GOT2: variants seen among roughly 807,000 people sequenced by gnomAD.
GOT2 encodes the protein aspartate aminotransferase, mitochondrial.
Under a neutral mutation model 50.0 loss-of-function variants are expected in GOT2, and 17 were observed. The ratio of observed to expected loss-of-function variants is 0.34; its 90% CI spans 0.23 to 0.51. The LOEUF is 0.51. GOT2 is among the 20% of genes least tolerant of loss of function. GOT2 has a pLI of 0.97. For missense variants in GOT2, 430 were observed against 559.6 expected (o/e 0.77, Z 2.34); for synonymous variants, 172 against 204.9 (o/e 0.84, Z 1.37).
Position 58,718,697 on chromosome 16 carries a change from TG to T in GOT2, c.436-10del, listed in dbSNP as rs774840247. ...AACTTAAAAAATCTTTGCTAAAAGA[TG>T]GGACGAAAGGAAACAGAAAAATGAA... On this transcript the variant is annotated splice_polypyrimidine_tract_variant and intron_variant, in intron 4 of 9. Coordinates refer to ENST00000245206, the MANE Select transcript of GOT2 (RefSeq NM_002080.4). The T allele has an allele frequency of 1.3e-6, 2 of 1,551,342 alleles. No individual in the cohort carries two copies. Among genetic ancestry groups the T allele is most frequent in the East Asian group, 4.6e-5 (2 of 43,940 alleles).
At chr16:58,722,044 T>C in intron 3 of GOT2, 106 bp downstream of exon 3, 1 of 1,260,972 alleles carries the variant, frequency 7.9e-7, no homozygotes, top group Non-Finnish European at 1.1e-6. Context: ...CCTCCCAAAG[T>C]GGTGGGATTA....
intron 8 of GOT2, among the ~76,000 whole-genome samples, chr16:58,711,365 C>G (rs999172380): frequency 6.6e-6 from 1 of 152,174 alleles, no homozygotes; most frequent in Non-Finnish European, 1.5e-5. Flanking sequence ...CTGAATACAA[C>G]CTTCCCCTTC....
At chr16:58,724,763 A>G (rs2044769499) in intron 1 of GOT2, among the ~76,000 whole-genome samples, 1 of 151,362 alleles carries the variant, frequency 6.6e-6, no homozygotes, top group Non-Finnish European at 1.5e-5. Flanking sequence ...CTGGTCTCAA[A>G]CTCCTGACCT....
Position 58,726,510 on chromosome 16 carries a change from T to TATTTATTTATTC in GOT2, c.90-2609_90-2608insGAATAAATAAAT, listed in dbSNP as rs1555509479. Among the ~76,000 whole-genome samples, 985 of 151,128 alleles carry TATTTATTTATTC rather than the reference T, an allele frequency of 6.5e-3. 12 individuals carry two copies. Among genetic ancestry groups the TATTTATTTATTC allele is most frequent in the African/African-American group, 0.023 (940 of 41,116 alleles). On this transcript the variant is annotated intron_variant, in intron 1 of 9. Coordinates refer to ENST00000245206, the MANE Select transcript of GOT2 (RefSeq NM_002080.4). Reference sequence around the variant, plus strand: ...TTATTTATTTATTTATTTATTTATTTTTGAGACGGAGTCTTGCTCTGTCAC... The same window carrying TATTTATTTATTC: ...TTATTTATTTATTTATTTATTTATTTATTTATTTATTCTTGAGACGGAGTCTTGCTCTGTCAC...
At chr16:58,728,855 A>G (rs1310645050) in intron 1 of GOT2, among the ~76,000 whole-genome samples, 2 of 151,586 alleles carry the variant, frequency 1.3e-5, no homozygotes, top group Admixed American at 1.3e-4. Context: ...TAATTTTTTT[A>G]TTTTTATTTT....
At chr16:58,709,619 T>G in intron 8 of GOT2, 52 bp from the exon 9 acceptor site, 1 of 1,526,114 alleles carries the variant, frequency 6.6e-7, no homozygotes, top group Non-Finnish European at 9.0e-7. Context: ...CTGACCGATA[T>G]GCTGGAGTTC....
At chr16:58,724,049 G>A (rs1432142826) in intron 1 of GOT2, 147 bp from the exon 2 acceptor site, 4 of 590,630 alleles carry the variant, frequency 6.8e-6, no homozygotes, top group Non-Finnish European at 1.1e-5. Context: ...TGCCTCCTGG[G>A]CTCAAGTGAT....
At chr16:58,709,170 G>A (rs1484550402) in intron 9 of GOT2, 2 of 334,078 alleles carry the variant, frequency 6.0e-6, no homozygotes, top group East Asian at 1.1e-4. Flanking sequence ...GCTGAGGCAG[G>A]AGGATCACTT....
intron 8 of GOT2, among the ~76,000 whole-genome samples, chr16:58,714,511 C>T (rs1479528178): frequency 6.7e-6 from 1 of 150,224 alleles, no homozygotes; most frequent in Non-Finnish European, 1.5e-5. Flanking sequence ...GAGATCCCGC[C>T]ACTGCACTCC....
chr16:58,723,533 G>A (rs2044756964), intron 2 of GOT2, among the ~76,000 whole-genome samples: 1 of 152,144 alleles, frequency 6.6e-6, no homozygotes, highest in African/African-American at 2.4e-5. Flanking sequence ...CAGAACCATA[G>A]AAAGTTCAAT....
intron 1 of GOT2, among the ~76,000 whole-genome samples, chr16:58,733,647 C>G (rs1567492404): frequency 6.6e-6 from 1 of 152,066 alleles, no homozygotes; most frequent in African/African-American, 2.4e-5. Context: ...AATGCCGGCG[C>G]CCCGGAAACC....
At chr16:58,710,243 A>G (rs1429409217) in intron 8 of GOT2, among the ~76,000 whole-genome samples, 1 of 151,660 alleles carries the variant, frequency 6.6e-6, no homozygotes, top group Non-Finnish European at 1.5e-5. Context: ...TCCATCACCC[A>G]GTCTCAGTCT....
At chr16:58,720,196 C>T (rs2044730312) in intron 3 of GOT2, among the ~76,000 whole-genome samples, 1 of 152,262 alleles carries the variant, frequency 6.6e-6, no homozygotes, top group East Asian at 1.9e-4. Context: ...GAGCGAAATT[C>T]CATCTCTAAA....
At position 58,726,840 on chromosome 16, in the gene GOT2, C is replaced by CT. The variant is rs139694495; in HGVS notation, c.90-2939dup. The stretch of plus-strand genomic sequence containing the variant: ...TGAATCTGAAAAGAAGCTGAGTTAA[C>CT]TTTTTTTTTCTTTTTTAAAGAGATG... On this transcript the variant is annotated intron_variant, in intron 1 of 9. Coordinates refer to ENST00000245206, the MANE Select transcript of GOT2 (RefSeq NM_002080.4). Among the ~76,000 whole-genome samples, 8 of 147,610 alleles carry CT rather than the reference C, an allele frequency of 5.4e-5. No homozygotes were observed. The East Asian group carries it at 1.1e-3, about 20-fold the overall frequency.
At chr16:58,710,712 T>C (rs1419822115) in intron 8 of GOT2, among the ~76,000 whole-genome samples, 1 of 141,528 alleles carries the variant, frequency 7.1e-6, no homozygotes, top group Non-Finnish European at 1.5e-5. Context: ...AAACCCCGTC[T>C]CTACTAAAAA....
chr16:58,717,822 C>T (rs1211898959), intron 6 of GOT2, among the ~76,000 whole-genome samples: 1 of 152,156 alleles, frequency 6.6e-6, no homozygotes, highest in Non-Finnish European at 1.5e-5. Context: ...TCCCAAGTAG[C>T]TAGGATTACA....
intron 7 of GOT2, 26 bp from the exon 8 acceptor site, chr16:58,716,205 T>G: frequency 6.2e-7 from 1 of 1,603,310 alleles, no homozygotes; most frequent in East Asian, 2.2e-5. Flanking sequence ...GGATCTCGTC[T>G]TCTACTTCTA....
intron 3 of GOT2, 179 bp downstream of exon 3, chr16:58,721,971 G>A (rs1183039372): frequency 9.7e-6 from 5 of 513,860 alleles, no homozygotes; most frequent in Non-Finnish European, 1.8e-5. Context: ...GTAGAGATGG[G>A]GTTTCTCCAT....
At chr16:58,712,416 C>G (rs1298281026) in intron 8 of GOT2, among the ~76,000 whole-genome samples, 5 of 152,152 alleles carry the variant, frequency 3.3e-5, no homozygotes, top group Non-Finnish European at 7.3e-5. Context: ...GAGCCTGAGG[C>G]AGGAGAATCG....
Sources: gnomAD v4.1 joint callset for allele counts (sites outside exome capture counted in the v4.1 genomes callset) on GRCh38, gnomAD v4.1.1 for gene constraint, MANE v1.5 for transcripts, NCBI Gene and HGNC (gene_info 2026-07-23, HGNC 2026-07-21) for gene names.